Variants in MYO5A observed in about 807,000 individuals in gnomAD.
MYO5A encodes the protein myosin VA, also known as unconventional myosin-Va.
Under a neutral mutation model 249.7 loss-of-function variants are expected in MYO5A, and 98 were observed. That is an observed-to-expected ratio of 0.39 (90% CI 0.33 to 0.46). The LOEUF is 0.46. Ranked by LOEUF, MYO5A falls within the 20% of genes least tolerant of loss-of-function variation. The pLI, the probability that MYO5A is intolerant of heterozygous loss-of-function variation, is 0.98. For missense variants in MYO5A, 1,696 were observed against 2,308.8 expected (o/e 0.73, Z 5.44); for synonymous variants, 778 against 810.6 (o/e 0.96, Z 0.68).
At chr15:52,370,136 C>A in intron 22 of MYO5A, 33 bp downstream of exon 22, 2 of 1,613,126 alleles carry the variant, frequency 1.2e-6, no homozygotes, top group East Asian at 2.2e-5. Context: ...CTTTTGTGTA[C>A]GGAGTAGATG....
At chr15:52,328,373 C>G (rs1210206109) in intron 35 of MYO5A, among the ~76,000 whole-genome samples, 1 of 152,220 alleles carries the variant, frequency 6.6e-6, no homozygotes, top group Non-Finnish European at 1.5e-5. Context: ...AAATAAATAG[C>G]AGGTCTAGTC....
intron 14 of MYO5A, among the ~76,000 whole-genome samples, chr15:52,384,792 A>C (rs1335194139): frequency 6.6e-6 from 1 of 152,240 alleles, no homozygotes; most frequent in Non-Finnish European, 1.5e-5. Context: ...TACTAACTTA[A>C]GTGCTGAGCA....
At chr15:52,321,584 C>G (rs2038315016) in intron 37 of MYO5A, 75 bp from the exon 38 acceptor site, 1 of 1,503,854 alleles carries the variant, frequency 6.6e-7, no homozygotes, top group South Asian at 1.1e-5. Context: ...CCAATTTGAT[C>G]AGCATCTTCA....
chr15:52,393,069 C>T (rs1200490403), intron 11 of MYO5A, among the ~76,000 whole-genome samples: 3 of 152,192 alleles, frequency 2.0e-5, no homozygotes, highest in African/African-American at 7.2e-5. Flanking sequence ...GCTGCCCAGC[C>T]ACTGCCCAGC....
chr15:52,388,194 C>G (rs1245587779), intron 13 of MYO5A, among the ~76,000 whole-genome samples: 2 of 152,166 alleles, frequency 1.3e-5, no homozygotes, highest in Admixed American at 1.3e-4. Flanking sequence ...ATCCTCTTCT[C>G]CCATGCTGGC....
intron 1 of MYO5A, among the ~76,000 whole-genome samples, chr15:52,433,649 T>C (rs1457566585): frequency 6.6e-6 from 1 of 152,132 alleles, no homozygotes. Flanking sequence ...TCCAAACTCC[T>C]GACCTCAGGT....
chr15:52,471,341 C>T (rs943505105), intron 1 of MYO5A, among the ~76,000 whole-genome samples: 10 of 152,084 alleles, frequency 6.6e-5, no homozygotes, highest in South Asian at 2.1e-4. Context: ...CAGTGGCTCA[C>T]GCCTGTAATC....
chr15:52,329,140 G>A (rs188620426), intron 35 of MYO5A: 2 of 152,308 alleles, frequency 1.3e-5, no homozygotes, highest in East Asian at 1.9e-4. Flanking sequence ...CATGATAAGA[G>A]TTCATTAAAC....
intron 23 of MYO5A, among the ~76,000 whole-genome samples, chr15:52,365,711 A>C (rs2040773415): frequency 6.6e-6 from 1 of 152,226 alleles, no homozygotes; most frequent in African/African-American, 2.4e-5. Flanking sequence ...TAAATGAATG[A>C]ATGAAAGAAT....
Position 52,397,310 on chromosome 15 carries a change from C to T in MYO5A, c.1210G>A (p.Ala404Thr), listed in dbSNP as rs956432408. The change falls in exon 10 of 42, where the codon GCC becomes ACC. Residue 404 changes from alanine to threonine, a missense_variant. Coordinates refer to ENST00000399233, the MANE Select transcript of MYO5A (RefSeq NM_001382347.1). The stretch of plus-strand genomic sequence containing the variant: ...AAGAGCTTGGCATAGATGTGCTTGG[C>T]CAAAGCATCGCGGGCATTCGTGGCC... Reference protein sequence around the residue: ...LQATNARDALAKHIYAKLFNW... With the variant: ...LQATNARDALTKHIYAKLFNW... The T allele has an allele frequency of 6.8e-6, 11 of 1,613,904 alleles. No homozygotes were observed. Among genetic ancestry groups the T allele is most frequent in the African/African-American group, 2.7e-5 (2 of 74,876 alleles).
chr15:52,361,271 C>T (rs1334553749), intron 24 of MYO5A, among the ~76,000 whole-genome samples: 1 of 152,110 alleles, frequency 6.6e-6, no homozygotes, highest in African/African-American at 2.4e-5. Flanking sequence ...CAGCCCAAGC[C>T]CACAGTTGTA....
chr15:52,363,373 C>T (rs2040636153), intron 24 of MYO5A, among the ~76,000 whole-genome samples: 1 of 152,152 alleles, frequency 6.6e-6, no homozygotes, highest in Non-Finnish European at 1.5e-5. Context: ...ATAATGGTGA[C>T]TTGCATCTAC....
At chr15:52,425,798 G>A in intron 4 of MYO5A, 32 bp downstream of exon 4, 1 of 1,609,232 alleles carries the variant, frequency 6.2e-7, no homozygotes, top group Non-Finnish European at 8.5e-7. Flanking sequence ...TCTAATAACT[G>A]CCATAAAATA....
intron 30 of MYO5A, among the ~76,000 whole-genome samples, chr15:52,344,705 A>G (rs903302723): frequency 2.0e-5 from 3 of 152,198 alleles, no homozygotes; most frequent in Non-Finnish European, 4.4e-5. Flanking sequence ...TCATCACACC[A>G]TTCTCCTACT....
At position 52,383,294 on chromosome 15, in the gene MYO5A, G is replaced by A. The variant is rs564209329; in HGVS notation, c.1915-106C>T. 3.2e-6 allele frequency: 3 copies of A among 945,824 alleles called. No individual in the cohort carries two copies. In the Admixed American group the frequency reaches 5.4e-5, roughly 17 times the overall value. The allele number at this position is 945,824 out of a possible 1,614,324, so 58.6% of individuals were successfully genotyped here. A position where few individuals can be genotyped will look rare whatever the true frequency, so the allele number is the denominator to read the frequency against. On this transcript the variant is annotated intron_variant, in intron 15 of 41. Coordinates refer to ENST00000399233, the MANE Select transcript of MYO5A (RefSeq NM_001382347.1). Reference sequence around the variant, plus strand: ...CTATGACACTAATGGAGAAAACTTTGCCACTTATAAACTTGACCCATCTTC... The same window carrying A: ...CTATGACACTAATGGAGAAAACTTTACCACTTATAAACTTGACCCATCTTC...
intron 4 of MYO5A, among the ~76,000 whole-genome samples, chr15:52,419,471 G>T (rs1301271072): frequency 6.6e-6 from 1 of 152,100 alleles, no homozygotes; most frequent in East Asian, 1.9e-4. Flanking sequence ...TCTGCTCTCT[G>T]TGTCTCTCTG....
intron 1 of MYO5A, among the ~76,000 whole-genome samples, chr15:52,527,396 A>C (rs1159224132): frequency 6.6e-6 from 1 of 152,224 alleles, no homozygotes; most frequent in Non-Finnish European, 1.5e-5. Context: ...TACAATGCCT[A>C]AAGAAATTAC....
chr15:52,528,229 T>A (rs2077760989), intron 1 of MYO5A, among the ~76,000 whole-genome samples: 1 of 152,086 alleles, frequency 6.6e-6, no homozygotes, highest in South Asian at 2.1e-4. Context: ...GCAGCATCTT[T>A]CCCCGGGGCT....
chr15:52,326,716 T>G (rs1367723895), intron 36 of MYO5A, among the ~76,000 whole-genome samples: 1 of 152,218 alleles, frequency 6.6e-6, no homozygotes, highest in Admixed American at 6.5e-5. Context: ...TTTTATGTTA[T>G]GTATGTTTTA....
Sources: allele counts gnomAD v4.1 joint callset (sites outside exome capture counted in the v4.1 genomes callset), GRCh38; gene constraint gnomAD v4.1.1; transcripts MANE v1.5; gene names NCBI Gene and HGNC (gene_info 2026-07-23, HGNC 2026-07-21).